GALNT17: variants seen among roughly 807,000 people sequenced by gnomAD.
The protein encoded by GALNT17 is polypeptide N-acetylgalactosaminyltransferase 17, also known as UDP-GalNAc:polypeptide N-acetylgalactosaminyltransferase-like 3.
GALNT17 carries 29 observed loss-of-function variants against 63.7 expected under a neutral mutation model. The observed-to-expected ratio is 0.46, with a 90% CI of 0.34 to 0.62. GALNT17 has a LOEUF of 0.62. Among genes scored for constraint, GALNT17 ranks in the 20% least tolerant of loss-of-function variants. The pLI is 0.01. For missense variants in GALNT17, 603 were observed against 799.6 expected, an observed-to-expected ratio of 0.75 and a Z score of 2.97; for synonymous variants, 305 against 318.3, an observed-to-expected ratio of 0.96 and a Z score of 0.45.
chr7:71,559,414 G>A (rs1368948507), intron 5 of GALNT17, among the ~76,000 whole-genome samples: 1 of 152,190 alleles, frequency 6.6e-6, no homozygotes, highest in African/African-American at 2.4e-5. Context: ...TGGGTACCTG[G>A]GAGGGGCGAG....
At chr7:71,554,132 C>G (rs1211650531) in intron 5 of GALNT17, among the ~76,000 whole-genome samples, 1 of 152,222 alleles carries the variant, frequency 6.6e-6, no homozygotes, top group Non-Finnish European at 1.5e-5. Flanking sequence ...ACCAACCTGT[C>G]TAGTTCTTTG....
In GALNT17 at chr7:71,286,431, G is replaced by A. The variant is rs77747398; in HGVS notation, c.239-49119G>A. ...CCTTACATCTGTGTAGTGGTTTGCC[G>A]TTTGCAAGAGTTCACAATGCTTTAT... On this transcript the variant is annotated intron_variant, in intron 1 of 10. Coordinates refer to ENST00000333538, the MANE Select transcript of GALNT17 (RefSeq NM_022479.3). Among the ~76,000 whole-genome samples the A allele has an allele frequency of 5.4e-3, 821 of 152,268 alleles. 7 individuals are homozygous for A. The highest frequency in any genetic ancestry group is 0.019 in the African/African-American group (775 of 41,552).
intron 2 of GALNT17, among the ~76,000 whole-genome samples, chr7:71,338,026 A>G (rs368938827): frequency 6.6e-6 from 1 of 151,874 alleles, no homozygotes; most frequent in African/African-American, 2.4e-5. Context: ...ATGGCAAAGC[A>G]TTGTCTCTAC....
chr7:71,257,683 C>T (rs543861178), intron 1 of GALNT17, among the ~76,000 whole-genome samples: 1 of 152,306 alleles, frequency 6.6e-6, no homozygotes, highest in Admixed American at 6.5e-5. Flanking sequence ...GAAATGCCCC[C>T]AGTCCCTTCC....
At chr7:71,578,025 AT>A (rs1432616442) in intron 6 of GALNT17, among the ~76,000 whole-genome samples, 4 of 141,940 alleles carry the variant, frequency 2.8e-5, no homozygotes, top group African/African-American at 5.7e-5. Context: ...TTATTTATTT[AT>A]TTATTTATTT....
chr7:71,313,716 T>A (rs2115957026), intron 1 of GALNT17, among the ~76,000 whole-genome samples: 1 of 152,294 alleles, frequency 6.6e-6, no homozygotes, highest in South Asian at 2.1e-4. Flanking sequence ...GTGTATTGAT[T>A]GACTCAGAGG....
chr7:71,297,686 A>T (rs1421458340), intron 1 of GALNT17, among the ~76,000 whole-genome samples: 1 of 152,212 alleles, frequency 6.6e-6, no homozygotes, highest in Non-Finnish European at 1.5e-5. Flanking sequence ...AACAACCCAG[A>T]TTTCAACCAA....
intron 2 of GALNT17, among the ~76,000 whole-genome samples, chr7:71,350,500 GA>G (rs946972013): frequency 3.3e-5 from 5 of 149,616 alleles, no homozygotes; most frequent in African/African-American, 9.9e-5. Context: ...AAAAATACTA[GA>G]AAAAAAATAA....
intron 5 of GALNT17, among the ~76,000 whole-genome samples, chr7:71,538,210 G>C (rs1788831092): frequency 6.6e-6 from 1 of 152,200 alleles, no homozygotes; most frequent in South Asian, 2.1e-4. Context: ...AGATATTTAA[G>C]ATGAAAGAGA....
At chr7:71,690,931 T>C (rs1791434725) in intron 9 of GALNT17, among the ~76,000 whole-genome samples, 1 of 152,190 alleles carries the variant, frequency 6.6e-6, no homozygotes, top group Non-Finnish European at 1.5e-5. Context: ...CTGATGGGGA[T>C]GTTGTGAATA....
chr7:71,449,113 T>TTTTTTTTC (rs1563101127), intron 5 of GALNT17, among the ~76,000 whole-genome samples: 2 of 119,192 alleles, frequency 1.7e-5, no homozygotes, highest in East Asian at 2.4e-4. Context: ...ATTTTCTTTT[T>TTTTTTTTC]TTTTTTTTTT....
chr7:71,375,010 T>C (rs1792695071), intron 2 of GALNT17, among the ~76,000 whole-genome samples: 1 of 152,028 alleles, frequency 6.6e-6, no homozygotes, highest in Non-Finnish European at 1.5e-5. Context: ...CAGCTAATTT[T>C]TGTGTTTTTA....
intron 9 of GALNT17, among the ~76,000 whole-genome samples, chr7:71,704,137 C>G (rs556236848): frequency 6.6e-6 from 1 of 151,964 alleles, no homozygotes; most frequent in Non-Finnish European, 1.5e-5. Context: ...CAAGGAGACC[C>G]GTAAAACCTG....
intron 1 of GALNT17, among the ~76,000 whole-genome samples, chr7:71,162,632 A>G (rs957196979): frequency 7.2e-5 from 11 of 152,312 alleles, no homozygotes; most frequent in Non-Finnish European, 1.2e-4. Flanking sequence ...GCATCCATCC[A>G]TCCATTCATC....
intron 9 of GALNT17, among the ~76,000 whole-genome samples, chr7:71,710,262 C>A (rs995692899): frequency 6.6e-6 from 1 of 152,170 alleles, no homozygotes; most frequent in African/African-American, 2.4e-5. Context: ...GTAATCCCAG[C>A]ACTTTGAGAA....
At chr7:71,449,162 G>C (rs1214711662) in intron 5 of GALNT17, among the ~76,000 whole-genome samples, 1 of 112,980 alleles carries the variant, frequency 8.9e-6, no homozygotes, top group Admixed American at 1.4e-4. Flanking sequence ...TCCCAGGCTG[G>C]AGTGCAGTGG....
intron 6 of GALNT17, among the ~76,000 whole-genome samples, chr7:71,598,890 G>T (rs1411560431): frequency 6.6e-6 from 1 of 152,014 alleles, no homozygotes; most frequent in East Asian, 1.9e-4. Flanking sequence ...GGGTGGTGGG[G>T]GTGGTGTCGG....
At chr7:71,150,277 A>G (rs1434807322) in intron 1 of GALNT17, among the ~76,000 whole-genome samples, 2 of 152,018 alleles carry the variant, frequency 1.3e-5, no homozygotes, top group Non-Finnish European at 2.9e-5. Context: ...GCGGCATAGA[A>G]CTACCGTGGT....
chr7:71,603,075 G>T (rs1789990244), intron 6 of GALNT17, among the ~76,000 whole-genome samples: 1 of 152,080 alleles, frequency 6.6e-6, no homozygotes, highest in Admixed American at 6.5e-5. Flanking sequence ...TATGCTAAGT[G>T]CATACACCAG....
Sources: allele counts gnomAD v4.1 joint callset (sites outside exome capture counted in the v4.1 genomes callset), GRCh38; gene constraint gnomAD v4.1.1; transcripts MANE v1.5; gene names NCBI Gene and HGNC (gene_info 2026-07-23, HGNC 2026-07-21).